Variants in USP9X observed in about 807,000 individuals in gnomAD.
USP9X encodes ubiquitin carboxyl-terminal hydrolase 9X.
A neutral mutation model predicts 190.3 loss-of-function variants in USP9X; 7 were observed. That is an observed-to-expected ratio of 0.04 (90% CI 0.02 to 0.07). The LOEUF (loss-of-function observed/expected upper bound fraction) is 0.07, where lower values mean the gene tolerates loss of function less well. USP9X is among the 10% of genes least tolerant of loss of function. The pLI is 1.00. For synonymous variants in USP9X, 645 were observed against 659.5 expected, an observed-to-expected ratio of 0.98 and a Z score of 0.34; for missense variants, 1,010 against 1,916.9, an observed-to-expected ratio of 0.53 and a Z score of 8.83.
chrX:41,188,106 A>G lies in USP9X; in HGVS notation c.3799A>G (p.Ile1267Val). 8.3e-7 allele frequency: 1 copy of G among 1,207,168 alleles called. No individual in the cohort carries two copies. Among genetic ancestry groups the G allele is most frequent in the Non-Finnish European group, 1.1e-6 (1 of 892,453 alleles). ...VFSPNEEITK[I>V]YEKTNAGNEP... is the part of the protein sequence containing the mutation. The stretch of plus-strand genomic sequence containing the variant: ...TAGCCCAAATGAAGAAATCACTAAA[A>G]TTTATGAGAAGGTAAGAATTATCAC... The change falls in exon 25 of 45, where the codon ATT becomes GTT. Residue 1267 changes from isoleucine (I) to valine (V), a missense_variant. Physicochemically the swap from Ile to Val is conservative, Grantham distance 29. Transcript: ENST00000378308.
intron 1 of USP9X, among the ~76,000 whole-genome samples, chrX:41,097,708 A>G (rs933989304): frequency 2.7e-5 from 3 of 112,266 alleles, no homozygotes; most frequent in Non-Finnish European, 5.6e-5. Flanking sequence ...ATAGAAGACA[A>G]CTGGATTCTC....
intron 21 of USP9X, among the ~76,000 whole-genome samples, chrX:41,183,517 T>C (rs915864845): frequency 8.9e-5 from 10 of 111,926 alleles, no homozygotes; most frequent in African/African-American, 3.2e-4. Context: ...TGAATGTACA[T>C]AGGCACTTAC....
chrX:41,197,298 A>G, intron 28 of USP9X, 66 bp from the exon 29 acceptor site: 8 of 681,966 alleles, frequency 1.2e-5, no homozygotes, highest in Non-Finnish European at 1.7e-5. Context: ...CTCCCTCTTT[A>G]CCTCCCTTTC....
chrX:41,088,304 A>T (rs956705802), intron 1 of USP9X, among the ~76,000 whole-genome samples: 7 of 111,790 alleles, frequency 6.3e-5, no homozygotes, highest in Non-Finnish European at 5.6e-5. Flanking sequence ...TTTTTCTTCC[A>T]GAGTCTTGTT....
At chrX:41,135,411 T>C (rs1394080517) in intron 5 of USP9X, among the ~76,000 whole-genome samples, 1 of 111,051 alleles carries the variant, frequency 9.0e-6, no homozygotes, top group Non-Finnish European at 1.9e-5. Flanking sequence ...AGCCCTTAAG[T>C]GGAAAATGTA....
intron 24 of USP9X, among the ~76,000 whole-genome samples, chrX:41,187,514 C>T (rs1351463846): frequency 8.9e-6 from 1 of 112,507 alleles, no homozygotes; most frequent in African/African-American, 3.2e-5. Flanking sequence ...ACATTGTGTA[C>T]AAGTGTTTGT....
At chrX:41,144,898 T>C (rs2062451720) in intron 11 of USP9X, among the ~76,000 whole-genome samples, 1 of 111,215 alleles carries the variant, frequency 9.0e-6, no homozygotes, top group Non-Finnish European at 1.9e-5. Context: ...ATTGTAGGAC[T>C]ACAGGGAAGG....
At chrX:41,225,838 T>G (rs2063307819) in intron 41 of USP9X, among the ~76,000 whole-genome samples, 1 of 112,887 alleles carries the variant, frequency 8.9e-6, no homozygotes, top group Admixed American at 9.4e-5. Flanking sequence ...ATCACAGCCT[T>G]CTTGTGGTTA....
At position 41,099,117 on chromosome X, in the gene USP9X, TTTTTTA is replaced by T. The variant is rs1459971785; in HGVS notation, c.-159+13009_-159+13014del. 5.3e-4 allele frequency among the ~76,000 whole-genome samples: 46 copies of T among 87,131 alleles called. 2 individuals are homozygous for T. The highest frequency in any genetic ancestry group is 6.6e-4 in the Non-Finnish European group (30 of 45,454). The allele number at this position is 87,131 out of a possible 115,157, so 75.7% of individuals were successfully genotyped here. On this transcript the variant is annotated intron_variant, in intron 1 of 44. Coordinates refer to ENST00000378308, the MANE Select transcript of USP9X (RefSeq NM_001039591.3). ...AATTGTTTTTTTTTTTTTTTTTTTT[TTTTTTA>T]AACAGAGATGGAGTCTCACTATGTT... is the stretch of plus-strand genomic sequence containing the variant.
intron 34 of USP9X, 33 bp from the exon 35 acceptor site, chrX:41,215,866 G>A: frequency 9.1e-7 from 1 of 1,099,028 alleles, no homozygotes; most frequent in Non-Finnish European, 1.2e-6. Flanking sequence ...GATTTTAATA[G>A]AACATCTGGT....
chrX:41,123,705 C>G lies in USP9X; in HGVS notation c.77C>G (p.Pro26Arg). ...QGQAPDGQSQ[P>R]PLQQNQTSSP... ...CAGGCTCCTGATGGACAGTCTCAGC[C>G]CCCCCTCCAACAGAATCAGGTAGGA... Residue 26 changes from proline (P) to arginine (R), a missense_variant, in exon 2 of 45, where the codon CCC (proline) becomes CGC (arginine). Coordinates refer to ENST00000378308, the MANE Select transcript of USP9X (RefSeq NM_001039591.3). The G allele has an allele frequency of 8.3e-7, 1 of 1,211,199 alleles. No individual in the cohort carries two copies. The highest frequency in any genetic ancestry group is 1.1e-6 in the Non-Finnish European group (1 of 895,171).
intron 2 of USP9X, among the ~76,000 whole-genome samples, chrX:41,128,212 G>C (rs2062273694): frequency 8.9e-6 from 1 of 111,827 alleles, no homozygotes; most frequent in Non-Finnish European, 1.9e-5. Flanking sequence ...AAAAACAGAA[G>C]TTATAAATTA....
chrX:41,147,444 ATCG>A (rs2062477889), intron 11 of USP9X, among the ~76,000 whole-genome samples: 1 of 95,838 alleles, frequency 1.0e-5, no homozygotes, highest in South Asian at 5.0e-4. Flanking sequence ...CATTAACTTA[ATCG>A]TTGTTTTTTT....
intron 1 of USP9X, among the ~76,000 whole-genome samples, chrX:41,098,751 T>C (rs1184552754): frequency 1.8e-5 from 2 of 109,591 alleles, no homozygotes; most frequent in Non-Finnish European, 3.8e-5. Flanking sequence ...AGATGGGGTT[T>C]CGCCACATTG....
chrX:41,142,536 G>C (rs1054965807), intron 9 of USP9X, among the ~76,000 whole-genome samples: 2 of 111,729 alleles, frequency 1.8e-5, no homozygotes, highest in Non-Finnish European at 3.8e-5. Flanking sequence ...CAACAGATTA[G>C]ACATTAAAAA....
At chrX:41,108,492 A>G (rs149987634) in intron 1 of USP9X, among the ~76,000 whole-genome samples, 4 of 111,025 alleles carry the variant, frequency 3.6e-5, no homozygotes, top group Non-Finnish European at 7.5e-5. Flanking sequence ...CCCTGGTTCT[A>G]TCTGGTAAGC....
chrX:41,148,295 T>C, intron 11 of USP9X, 74 bp from the exon 12 acceptor site: 1 of 1,075,004 alleles, frequency 9.3e-7, no homozygotes, highest in South Asian at 2.0e-5. Flanking sequence ...AATTTGAATA[T>C]AGTTAACCTG....
chrX:41,167,659 T>C, intron 17 of USP9X, 82 bp downstream of exon 17: 1 of 663,570 alleles, frequency 1.5e-6, no homozygotes, highest in Non-Finnish European at 2.2e-6. Context: ...AAAAATATTA[T>C]CTAAATGAAT....
chrX:41,217,783 G>A (rs949211443), intron 36 of USP9X, among the ~76,000 whole-genome samples: 8 of 111,228 alleles, frequency 7.2e-5, no homozygotes, highest in East Asian at 5.6e-4. Context: ...CCAGCTACTC[G>A]GAAGGCTGAG....
Sources: gnomAD v4.1 joint callset for allele counts (sites outside exome capture counted in the v4.1 genomes callset) on GRCh38, gnomAD v4.1.1 for gene constraint, MANE v1.5 for transcripts, NCBI Gene and HGNC (gene_info 2026-07-23, HGNC 2026-07-21) for gene names.